The following CTSS variants were observed in gnomAD, a reference collection of about 807,000 sequenced individuals.
CTSS encodes the protein cathepsin S.
In CTSS, 15 loss-of-function variants were observed where a neutral mutation model predicts 39.9. The observed-to-expected ratio is 0.38, with a 90% confidence interval of 0.25 to 0.58. CTSS has a LOEUF of 0.58. Among genes scored for constraint, CTSS ranks in the 20% least tolerant of loss-of-function variants. CTSS has a pLI of 0.70. For synonymous variants in CTSS, 126 were observed against 138.2 expected, an observed-to-expected ratio of 0.91 and a Z score of 0.62; for missense variants, 250 against 398.2, an observed-to-expected ratio of 0.63 and a Z score of 3.17.
chr1:150,733,279 G>T (rs1415148), intron 7 of CTSS, 134 bp from the exon 8 acceptor site: 2 of 606,302 alleles, frequency 3.3e-6, no homozygotes, highest in Non-Finnish European at 5.7e-6. Flanking sequence ...ATGAAATAAG[G>T]TAATAATTTC....
intron 7 of CTSS, among the ~76,000 whole-genome samples, chr1:150,737,381 C>T (rs1051912543): frequency 6.6e-6 from 1 of 152,058 alleles, no homozygotes; most frequent in African/African-American, 2.4e-5. Flanking sequence ...GGATTACAGG[C>T]GTGAGCCACT....
Position 150,732,962 on chromosome 1 carries a change from T to C in CTSS, c.*84A>G, listed in dbSNP as rs1652555714. 1.0e-6 allele frequency: 1 copy of C among 970,816 alleles called. No individual in the cohort carries two copies. Among genetic ancestry groups the C allele is most frequent in the Non-Finnish European group, 1.6e-6 (1 of 627,666 alleles). 60.1% of individuals were successfully genotyped at this position (970,816 alleles called of 1,614,324 possible). ...AAATACACATTAATCATGACACAATTATTTCTTCTGGATACAGCAGGAAAA... is the reference window on the plus strand; with the variant it reads ...AAATACACATTAATCATGACACAATCATTTCTTCTGGATACAGCAGGAAAA... On this transcript the variant is annotated 3_prime_UTR_variant, in exon 8 of 8. Coordinates refer to ENST00000368985, the MANE Select transcript of CTSS (RefSeq NM_004079.5).
chr1:150,738,736 T>G (rs1652686181), intron 7 of CTSS, among the ~76,000 whole-genome samples: 1 of 152,078 alleles, frequency 6.6e-6, no homozygotes, highest in Non-Finnish European at 1.5e-5. Context: ...CTATTGTAAT[T>G]GTCTTGGGGT....
intron 7 of CTSS, among the ~76,000 whole-genome samples, chr1:150,744,947 G>A (rs756096941): frequency 1.1e-4 from 17 of 151,914 alleles, no homozygotes; most frequent in Non-Finnish European, 2.2e-4. Flanking sequence ...AACACCTGCC[G>A]TAGGGAGTTC....
In CTSS at chr1:150,756,651, A is replaced by G. The variant is rs1418416796; in HGVS notation, c.249+1207T>C. On this transcript the variant is annotated intron_variant, in intron 3 of 7. Transcript: ENST00000368985. ...TGTGGTCCATCAGTGGCCAAAATGC[A>G]TATGACACATGACTATATATCTCTT... Among the ~76,000 whole-genome samples the G allele has an allele frequency of 1.3e-5, 2 of 151,388 alleles. 1 individual carries two copies. Among genetic ancestry groups the G allele is most frequent in the African/African-American group, 4.9e-5 (2 of 41,184 alleles).
At chr1:150,764,549 T>A in intron 2 of CTSS, 89 bp downstream of exon 2, 1 of 1,552,882 alleles carries the variant, frequency 6.4e-7, no homozygotes. Flanking sequence ...AAATATTTAC[T>A]GAAAACACTG....
chr1:150,742,782 C>T (rs1016309096), intron 7 of CTSS, among the ~76,000 whole-genome samples: 1 of 152,048 alleles, frequency 6.6e-6, no homozygotes, highest in African/African-American at 2.4e-5. Context: ...GATGCTTAGG[C>T]TTTAATAATC....
At chr1:150,745,212 T>C (rs587631569) in intron 7 of CTSS, among the ~76,000 whole-genome samples, 8 of 152,322 alleles carry the variant, frequency 5.3e-5, no homozygotes, top group Admixed American at 3.3e-4. Flanking sequence ...TGTTATGGGT[T>C]GCATTGTGTC....
intron 5 of CTSS, among the ~76,000 whole-genome samples, chr1:150,750,426 C>A (rs1652985563): frequency 6.6e-6 from 1 of 152,104 alleles, no homozygotes; most frequent in Non-Finnish European, 1.5e-5. Flanking sequence ...AATGGCCCCT[C>A]AGACTTTCAG....
At chr1:150,734,472 C>T (rs2101908110) in intron 7 of CTSS, among the ~76,000 whole-genome samples, 1 of 152,108 alleles carries the variant, frequency 6.6e-6, no homozygotes, top group East Asian at 2.0e-4. Context: ...GAAACCCCGT[C>T]TCTACTAAAA....
At chr1:150,763,274 G>A (rs1653302127) in intron 2 of CTSS, among the ~76,000 whole-genome samples, 1 of 152,136 alleles carries the variant, frequency 6.6e-6, no homozygotes, top group Admixed American at 6.6e-5. Flanking sequence ...ATGGTGGTTA[G>A]CAGAGGCTGG....
intron 2 of CTSS, among the ~76,000 whole-genome samples, chr1:150,762,341 G>A (rs1653284113): frequency 6.6e-6 from 1 of 151,966 alleles, no homozygotes; most frequent in African/African-American, 2.4e-5. Context: ...GAAAATATAG[G>A]GGAAAACTCC....
At chr1:150,746,508 GA>G (rs375643420) in intron 7 of CTSS, among the ~76,000 whole-genome samples, 6 of 152,132 alleles carry the variant, frequency 3.9e-5, no homozygotes, top group South Asian at 2.1e-4. Context: ...TGGAGTGACA[GA>G]CAGGTAAATA....
In CTSS at chr1:150,764,582, A is replaced by G. The variant is rs915425054; in HGVS notation, c.126+56T>C. On this transcript the variant is annotated intron_variant, in intron 2 of 7. Transcript: ENST00000368985. ...CTGCCTGTAAGAACACAATTTTAAG[A>G]GGTAGAAAACAGTACTCCTTTAAAA... 34 of 1,602,174 alleles carry G rather than the reference A, an allele frequency of 2.1e-5. No homozygotes were observed. The Admixed American group carries it at 3.3e-4, about 16-fold the overall frequency.
rs1190622163 is a variant in CTSS, at chr1:150,732,762, C to T, written c.*284G>A. On this transcript the variant is annotated 3_prime_UTR_variant, in exon 8 of 8. Coordinates refer to ENST00000368985, the MANE Select transcript of CTSS (RefSeq NM_004079.5). ...AGCTGGGATTACAGGCATGCACCAC[C>T]GTGCTCGGCTAATTTTTTGTATTTT... 1.6e-5 allele frequency: 4 copies of T among 242,922 alleles called. No homozygotes were observed. The highest frequency in any genetic ancestry group is 5.3e-5 in the Admixed American group (1 of 18,710). The allele number at this position is 242,922 out of a possible 1,614,324, so 15.0% of individuals were successfully genotyped here. A position where few individuals can be genotyped will look rare whatever the true frequency, so the allele number is the denominator to read the frequency against.
intron 6 of CTSS, among the ~76,000 whole-genome samples, chr1:150,749,009 G>A (rs1652950215): frequency 6.6e-6 from 1 of 152,158 alleles, no homozygotes; most frequent in Non-Finnish European, 1.5e-5. Context: ...CACAAATGTT[G>A]TGTGTGTTCT....
In CTSS at chr1:150,730,247, T is replaced by C. The variant is rs1273825457; in HGVS notation, c.*2799A>G. ...GTTTTACACGACACGAGGGGCTCCA[T>C]AAGGAAATAAAGGCCCAAAGAAACA... On this transcript the variant is annotated 3_prime_UTR_variant, in exon 8 of 8. Transcript: ENST00000368985. 6.6e-6 allele frequency: 1 copy of C among 152,106 alleles called. No homozygotes were observed. The highest frequency in any genetic ancestry group is 2.4e-5 in the African/African-American group (1 of 41,412). The allele number at this position is 152,106 out of a possible 1,614,324, so 9.4% of individuals were successfully genotyped here.
chr1:150,748,032 C>A, intron 6 of CTSS, 153 bp from the exon 7 acceptor site: 2 of 557,454 alleles, frequency 3.6e-6, no homozygotes, highest in Non-Finnish European at 6.3e-6. Context: ...TGGCTCATGC[C>A]TGTAATCCCA....
At chr1:150,762,356 C>T (rs1013683673) in intron 2 of CTSS, among the ~76,000 whole-genome samples, 10 of 152,110 alleles carry the variant, frequency 6.6e-5, no homozygotes, top group Non-Finnish European at 1.3e-4. Context: ...AACTCCACAA[C>T]ATTGGTCCGG....
Sources: allele counts gnomAD v4.1 joint callset (sites outside exome capture counted in the v4.1 genomes callset), GRCh38; gene constraint gnomAD v4.1.1; transcripts MANE v1.5; gene names NCBI Gene and HGNC (gene_info 2026-07-23, HGNC 2026-07-21).